The following ADGRL3 variants were observed in gnomAD, a reference collection of about 807,000 sequenced individuals.
ADGRL3 encodes adhesion G protein-coupled receptor L3, also known as calcium-independent alpha-latrotoxin receptor 3.
ADGRL3 carries 62 observed loss-of-function variants against 153.5 expected under a neutral mutation model. That is an observed-to-expected ratio of 0.40 (90% confidence interval 0.33 to 0.50). ADGRL3 has a LOEUF of 0.50. Ranked by LOEUF, ADGRL3 falls within the 20% of genes least tolerant of loss-of-function variation. The probability of loss-of-function intolerance (pLI) is 0.47; values close to 1 mark genes in which losing one functional copy is unlikely to be tolerated. For missense variants in ADGRL3, 1,641 were observed against 1,859.4 expected (o/e 0.88, Z 2.16); for synonymous variants, 710 against 672.5 (o/e 1.06, Z -0.86).
intron 23 of ADGRL3, 53 bp from the exon 24 acceptor site, chr4:62,037,678 T>C (rs1725844652): frequency 2.5e-6 from 4 of 1,603,048 alleles, no homozygotes; most frequent in Admixed American, 1.7e-5. Flanking sequence ...TCTACTTTTG[T>C]TCCTACCTGC....
intron 2 of ADGRL3, among the ~76,000 whole-genome samples, chr4:61,389,990 T>C (rs2096783924): frequency 1.3e-5 from 2 of 152,226 alleles, no homozygotes; most frequent in African/African-American, 4.8e-5. Flanking sequence ...ATACTTTTTT[T>C]CCCTCCAAAA....
At chr4:61,950,072 T>C (rs1214199332) in intron 17 of ADGRL3, among the ~76,000 whole-genome samples, 1 of 152,208 alleles carries the variant, frequency 6.6e-6, no homozygotes, top group African/African-American at 2.4e-5. Flanking sequence ...ACTACTTAGC[T>C]TTCAAATTTA....
intron 17 of ADGRL3, among the ~76,000 whole-genome samples, chr4:61,964,114 G>A (rs1338976580): frequency 4.6e-5 from 7 of 152,126 alleles, no homozygotes; most frequent in Non-Finnish European, 1.0e-4. Flanking sequence ...AAAATCAGGA[G>A]GCTTAGGTTT....
intron 9 of ADGRL3, among the ~76,000 whole-genome samples, chr4:61,825,880 T>C (rs559994555): frequency 6.6e-6 from 1 of 152,326 alleles, no homozygotes; most frequent in African/African-American, 2.4e-5. Flanking sequence ...GATACCTATG[T>C]GATGAGGGGT....
At chr4:61,851,897 C>T (rs962861745) in intron 9 of ADGRL3, among the ~76,000 whole-genome samples, 1 of 152,102 alleles carries the variant, frequency 6.6e-6, no homozygotes, top group Non-Finnish European at 1.5e-5. Flanking sequence ...ACTTGTTTTG[C>T]CACACACCTA....
rs1318382905 is a variant in ADGRL3, at chr4:62,076,423, G to A, written c.*5515G>A. ...ACTATACATGAACAAATCTCTATTG[G>A]GATAAACAAGTCTCTTCAACCACAA... On this transcript the variant is annotated 3_prime_UTR_variant, in exon 27 of 27. Transcript: ENST00000683033. 1 of 151,956 alleles carries A rather than the reference G, an allele frequency of 6.6e-6. No individual in the cohort carries two copies. Among genetic ancestry groups the A allele is most frequent in the African/African-American group, 2.4e-5 (1 of 41,412 alleles). 9.4% of individuals were successfully genotyped at this position (151,956 alleles called of 1,614,324 possible).
intron 6 of ADGRL3, among the ~76,000 whole-genome samples, chr4:61,708,606 T>C (rs988582782): frequency 2.0e-5 from 3 of 152,042 alleles, no homozygotes; most frequent in African/African-American, 7.2e-5. Flanking sequence ...GTTTGTTACA[T>C]AGGTAAATGT....
chr4:61,977,162 G>T (rs2099050886), intron 17 of ADGRL3, among the ~76,000 whole-genome samples: 1 of 151,252 alleles, frequency 6.6e-6, no homozygotes, highest in South Asian at 2.1e-4. Flanking sequence ...TTCTAATAAT[G>T]CACCTACACA....
At chr4:61,659,563 A>T (rs1301095780) in intron 5 of ADGRL3, among the ~76,000 whole-genome samples, 2 of 152,192 alleles carry the variant, frequency 1.3e-5, no homozygotes, top group Admixed American at 1.3e-4. Flanking sequence ...AAGATTAAAA[A>T]TGTCACATAA....
intron 9 of ADGRL3, among the ~76,000 whole-genome samples, chr4:61,837,573 CAG>C (rs1267466586): frequency 6.6e-6 from 1 of 152,100 alleles, no homozygotes; most frequent in East Asian, 1.9e-4. Flanking sequence ...AAAGGGGACT[CAG>C]AGTCGGTATG....
At chr4:61,987,267 G>A (rs570308618) in intron 19 of ADGRL3, among the ~76,000 whole-genome samples, 2 of 152,042 alleles carry the variant, frequency 1.3e-5, no homozygotes, top group East Asian at 1.9e-4. Flanking sequence ...CCGGGTTCAA[G>A]CGATTCTCCT....
intron 4 of ADGRL3, among the ~76,000 whole-genome samples, chr4:61,572,080 TTAA>T (rs1227872925): frequency 1.3e-5 from 2 of 152,180 alleles, no homozygotes; most frequent in Non-Finnish European, 1.5e-5. Flanking sequence ...TTTGAAGATT[TTAA>T]TAATATTTGT....
At chr4:61,544,794 G>A (rs1297325333) in intron 4 of ADGRL3, among the ~76,000 whole-genome samples, 1 of 152,056 alleles carries the variant, frequency 6.6e-6, no homozygotes, top group East Asian at 1.9e-4. Flanking sequence ...TATGATGTTT[G>A]TTGTTTAGAA....
chr4:61,478,920 A>T (rs2098099040), intron 2 of ADGRL3, among the ~76,000 whole-genome samples: 1 of 152,026 alleles, frequency 6.6e-6, no homozygotes, highest in Admixed American at 6.5e-5. Context: ...ACCTATAGAG[A>T]TATACCCTAA....
intron 2 of ADGRL3, among the ~76,000 whole-genome samples, chr4:61,398,085 T>C (rs903960604): frequency 4.6e-5 from 7 of 151,940 alleles, no homozygotes; most frequent in Non-Finnish European, 1.0e-4. Flanking sequence ...TGATGTGTTT[T>C]ACTTTACCTT....
chr4:61,234,570 A>G (rs903199107), intron 1 of ADGRL3, among the ~76,000 whole-genome samples: 3 of 152,178 alleles, frequency 2.0e-5, no homozygotes, highest in Non-Finnish European at 4.4e-5. Context: ...GGAGAAAGCT[A>G]TGGAGAACTC....
chr4:61,712,829 T>A (rs2096023735), intron 6 of ADGRL3, among the ~76,000 whole-genome samples: 1 of 152,196 alleles, frequency 6.6e-6, no homozygotes, highest in South Asian at 2.1e-4. Flanking sequence ...TCCTTTTGTC[T>A]CTTGATATGA....
chr4:61,269,085 C>A (rs1206450706), intron 1 of ADGRL3, among the ~76,000 whole-genome samples: 6 of 151,608 alleles, frequency 4.0e-5, no homozygotes, highest in Non-Finnish European at 8.9e-5. Flanking sequence ...TGAAAGAGAT[C>A]AATATTTTTG....
At chr4:61,278,597 G>A (rs796268249) in intron 1 of ADGRL3, among the ~76,000 whole-genome samples, 7 of 152,092 alleles carry the variant, frequency 4.6e-5, no homozygotes, top group African/African-American at 1.7e-4. Flanking sequence ...TCCACCTCCC[G>A]GGTTCAAGTG....
Sources: gnomAD v4.1 joint callset for allele counts (sites outside exome capture counted in the v4.1 genomes callset) on GRCh38, gnomAD v4.1.1 for gene constraint, MANE v1.5 for transcripts, NCBI Gene and HGNC (gene_info 2026-07-23, HGNC 2026-07-21) for gene names.